Variants in SPAG6 observed in about 807,000 individuals in gnomAD.
The protein encoded by SPAG6 is sperm associated antigen 6, also known as sperm-associated antigen 6.
In SPAG6, 49 loss-of-function variants were observed where a neutral mutation model predicts 58.5. That is an observed-to-expected ratio of 0.84 (90% CI 0.67 to 1.06). The LOEUF (loss-of-function observed/expected upper bound fraction) is 1.06. Among genes scored for constraint, SPAG6 ranks in the 50% least tolerant of loss-of-function variants. SPAG6 has a pLI of 0.00. For synonymous variants in SPAG6, 233 were observed against 225.6 expected, an observed-to-expected ratio of 1.03 and a Z score of -0.29; for missense variants, 560 against 611.3, an observed-to-expected ratio of 0.92 and a Z score of 0.89.
intron 5 of SPAG6, among the ~76,000 whole-genome samples, chr10:22,387,428 A>T (rs115201267): frequency 6.6e-6 from 1 of 152,176 alleles, no homozygotes; most frequent in Non-Finnish European, 1.5e-5. Context: ...TAAGCAATGG[A>T]ACATTCTTTG....
chr10:22,383,330 GT>G (rs1274502691), intron 4 of SPAG6, among the ~76,000 whole-genome samples: 1 of 152,064 alleles, frequency 6.6e-6, no homozygotes, highest in East Asian at 1.9e-4. Flanking sequence ...GTTGCTGCTG[GT>G]TTTTTTCGAG....
rs535822040 is a variant in SPAG6, at chr10:22,364,129, A to G, written c.122-724A>G. ...ATTATCAATGAAAAATGTATAAATT[A>G]TAACCTTACTTTACCATTCATTAGT... On this transcript the variant is annotated intron_variant, in intron 2 of 10. Coordinates refer to ENST00000376624, the MANE Select transcript of SPAG6 (RefSeq NM_012443.4). Among the ~76,000 whole-genome samples the G allele has an allele frequency of 3.3e-5, 5 of 152,180 alleles. 1 individual carries two copies. The South Asian group carries it at 1.0e-3, about 31-fold the overall frequency.
Position 22,388,130 on chromosome 10 carries a change from A to T in SPAG6, c.852+134A>T, listed in dbSNP as rs2132082815. On this transcript the variant is annotated intron_variant, in intron 6 of 10. Coordinates refer to ENST00000376624, the MANE Select transcript of SPAG6 (RefSeq NM_012443.4). ...AGTCAGGATTTCTCGTCTTCTACTG[A>T]TGTTTTGGACTGGGTAGTTCTTTGT... 7.2e-6 allele frequency: 5 copies of T among 696,520 alleles called. No individual in the cohort carries two copies. The South Asian group carries it at 8.4e-5, about 12-fold the overall frequency. 43.1% of individuals were successfully genotyped at this position (696,520 alleles called of 1,614,324 possible).
At chr10:22,404,762 C>A (rs1291132995) in intron 9 of SPAG6, among the ~76,000 whole-genome samples, 1 of 149,156 alleles carries the variant, frequency 6.7e-6, no homozygotes, top group African/African-American at 2.5e-5. Flanking sequence ...TTCTTCCTAC[C>A]CATGAGCATG....
chr10:22,394,246 G>T (rs1186826402), intron 8 of SPAG6, among the ~76,000 whole-genome samples: 1 of 152,074 alleles, frequency 6.6e-6, no homozygotes, highest in Non-Finnish European at 1.5e-5. Flanking sequence ...TGGAAAAGAA[G>T]TTTTTTTCTA....
intron 4 of SPAG6, among the ~76,000 whole-genome samples, chr10:22,379,289 G>T (rs1331331098): frequency 6.6e-6 from 1 of 152,138 alleles, no homozygotes; most frequent in African/African-American, 2.4e-5. Context: ...AAAGCTTTTT[G>T]TGGTAGCAGC....
intron 8 of SPAG6, 57 bp from the exon 9 acceptor site, chr10:22,401,104 C>T: frequency 1.3e-6 from 1 of 780,772 alleles, no homozygotes; most frequent in Middle Eastern, 2.4e-4. Context: ...GATTTGAATT[C>T]TTGTCAAGGT....
intron 4 of SPAG6, 122 bp downstream of exon 4, chr10:22,368,800 T>C: frequency 1.5e-6 from 1 of 684,866 alleles, no homozygotes; most frequent in Non-Finnish European, 2.3e-6. Context: ...CTGTATGTGA[T>C]GAGAAGTACG....
intron 9 of SPAG6, among the ~76,000 whole-genome samples, chr10:22,407,641 T>C (rs1402681200): frequency 6.6e-6 from 1 of 152,022 alleles, no homozygotes; most frequent in African/African-American, 2.4e-5. Flanking sequence ...TCGAGGAGTA[T>C]CTTTGTGGCG....
At chr10:22,394,421 C>T (rs765651598) in intron 8 of SPAG6, among the ~76,000 whole-genome samples, 26 of 152,110 alleles carry the variant, frequency 1.7e-4, no homozygotes, top group African/African-American at 2.9e-4. Context: ...TGTGTTCTTA[C>T]GGTAATAGTT....
Position 22,416,623 on chromosome 10 carries a change from T to G in SPAG6, c.1465T>G (p.Tyr489Asp). 6.2e-7 allele frequency: 1 copy of G among 1,600,624 alleles called. No homozygotes were observed. Among genetic ancestry groups the G allele is most frequent in the Non-Finnish European group, 8.6e-7 (1 of 1,168,208 alleles). ...ATAGTGTATTTTCTTTTTCAGGTAT[T>G]ATTCCCCTGGATATTCAGATACACT... Reference protein sequence around the residue: ...SCYPEEIVRYYSPGYSDTLLQ... With the variant: ...SCYPEEIVRYDSPGYSDTLLQ... The change falls in exon 11 of 11, where the codon TAT (tyrosine) becomes GAT (aspartate). Residue 489 changes from tyrosine to aspartate, a missense_variant. Tyr to Asp is a radical substitution (Grantham distance 160, BLOSUM62 -3). Transcript: ENST00000376624.
At position 22,416,859 on chromosome 10, in the gene SPAG6, T is replaced by A. The variant is rs1407359183; in HGVS notation, c.*171T>A. 2 of 489,820 alleles carry A rather than the reference T, an allele frequency of 4.1e-6. No individual in the cohort carries two copies. The highest frequency in any genetic ancestry group is 7.4e-6 in the Non-Finnish European group (2 of 270,444). 30.3% of individuals were successfully genotyped at this position (489,820 alleles called of 1,614,324 possible). ...ACTTTAAACATTCGTAGCTTGAATA[T>A]GTGAGGAACTATTCATGGTCATTCG... On this transcript the variant is annotated 3_prime_UTR_variant, in exon 11 of 11. Coordinates refer to ENST00000376624, the MANE Select transcript of SPAG6 (RefSeq NM_012443.4).
intron 5 of SPAG6, 94 bp from the exon 6 acceptor site, chr10:22,387,729 T>C (rs1472215258): frequency 8.2e-7 from 1 of 1,218,338 alleles, no homozygotes. Flanking sequence ...TATAAAGGAA[T>C]TTGAATATAT....
Position 22,401,179 on chromosome 10 carries a change from A to C in SPAG6, c.1216A>C (p.Asn406His), listed in dbSNP as rs1369326234. 6.3e-7 allele frequency: 1 copy of C among 1,580,272 alleles called. No homozygotes were observed. The highest frequency in any genetic ancestry group is 1.7e-5 in the Admixed American group (1 of 59,886). Residue 406 changes from asparagine (N) to histidine (H), a missense_variant, in exon 9 of 11, where the codon AAT becomes CAT. Transcript: ENST00000376624. Reference protein sequence around the residue: ...LQVKSKKAIKNILQKCTYLPA... With the variant: ...LQVKSKKAIKHILQKCTYLPA... ...TTTCTAGAGTAAAAAAGCCATAAAG[A>C]ATATCCTGCAAAAATGTACCTACTT...
chr10:22,350,377 G>C (rs12240474), intron 2 of SPAG6, among the ~76,000 whole-genome samples: 7,854 of 151,894 alleles, frequency 0.052, 684 homozygotes, highest in African/African-American at 0.18. Flanking sequence ...CTGAGCATTG[G>C]TACATAGTAG....
chr10:22,401,820 A>G (rs914658319), intron 9 of SPAG6, among the ~76,000 whole-genome samples: 3 of 152,236 alleles, frequency 2.0e-5, no homozygotes, highest in African/African-American at 4.8e-5. Context: ...TCAAGCTGCT[A>G]TAAGTGGGCA....
intron 9 of SPAG6, among the ~76,000 whole-genome samples, chr10:22,407,259 T>G (rs1834581296): frequency 6.6e-6 from 1 of 152,118 alleles, no homozygotes; most frequent in Non-Finnish European, 1.5e-5. Context: ...TTGGCATGAT[T>G]TTGCAGCAGC....
At chr10:22,402,302 G>T (rs568411436) in intron 9 of SPAG6, among the ~76,000 whole-genome samples, 1 of 152,200 alleles carries the variant, frequency 6.6e-6, no homozygotes, top group South Asian at 2.1e-4. Flanking sequence ...AATGAATGGG[G>T]TGTGGCAAAT....
At chr10:22,378,657 G>A (rs189907875) in intron 4 of SPAG6, among the ~76,000 whole-genome samples, 6 of 152,078 alleles carry the variant, frequency 3.9e-5, no homozygotes, top group African/African-American at 9.7e-5. Context: ...GCTGTTAAAG[G>A]TCTAATGCTA....
Sources: allele counts gnomAD v4.1 joint callset (sites outside exome capture counted in the v4.1 genomes callset), GRCh38; gene constraint gnomAD v4.1.1; transcripts MANE v1.5; gene names NCBI Gene and HGNC (gene_info 2026-07-23, HGNC 2026-07-21).